Variants in LOXL1 observed in about 807,000 individuals in gnomAD.
The protein encoded by LOXL1 is lysyl oxidase homolog 1.
A neutral mutation model predicts 62.2 loss-of-function variants in LOXL1; 31 were observed. The observed-to-expected ratio is 0.50, with a 90% CI of 0.37 to 0.67. LOXL1 has a LOEUF of 0.67. Among genes scored for constraint, LOXL1 ranks in the 30% least tolerant of loss-of-function variants. The probability of loss-of-function intolerance (pLI) is 0.00; values close to 1 mark genes in which losing one functional copy is unlikely to be tolerated. For missense variants in LOXL1, 775 were observed against 843.4 expected (o/e 0.92, Z 1.00); for synonymous variants, 403 against 384.4 (o/e 1.05, Z -0.56).
intron 1 of LOXL1, among the ~76,000 whole-genome samples, chr15:73,935,066 C>T (rs1192355724): frequency 5.3e-5 from 8 of 152,158 alleles, no homozygotes; most frequent in African/African-American, 1.2e-4. Flanking sequence ...TAATGGGGTC[C>T]GGGCCATGGG....
Position 73,943,756 on chromosome 15 carries a change from A to G in LOXL1, c.1211+794A>G, listed in dbSNP as rs1250059652. ...TTTTGTTAATATCCCTTTATGTTGA[A>G]AGCACCTATTTTTCTTAATTACCTG... On this transcript the variant is annotated intron_variant, in intron 2 of 6. Coordinates refer to ENST00000261921, the MANE Select transcript of LOXL1 (RefSeq NM_005576.4). Among the ~76,000 whole-genome samples, 3 of 152,282 alleles carry G rather than the reference A, an allele frequency of 2.0e-5. No homozygotes were observed. The East Asian group carries it at 5.8e-4, about 29-fold the overall frequency.
chr15:73,934,367 C>G (rs2028386), intron 1 of LOXL1, among the ~76,000 whole-genome samples: 78,777 of 151,986 alleles, frequency 0.52, 20,738 homozygotes, highest in East Asian at 0.67. Flanking sequence ...ATCCCAGAAC[C>G]CTCCCTGGCC....
chr15:73,951,783 G>A (rs892615043), intron 6 of LOXL1, 48 bp from the exon 7 acceptor site: 2 of 1,499,022 alleles, frequency 1.3e-6, no homozygotes, highest in Non-Finnish European at 1.8e-6. Context: ...GAGGCCACGG[G>A]GGCCTACTTT....
rs986260572 is a variant in LOXL1 at position 73,952,059 on chromosome 15, G to T, written c.*222G>T. The T allele has an allele frequency of 9.9e-6, 4 of 403,586 alleles. No individual in the cohort carries two copies. The highest frequency in any genetic ancestry group is 1.7e-5 in the Non-Finnish European group (4 of 229,526). 25.0% of individuals were successfully genotyped at this position (403,586 alleles called of 1,614,324 possible). ...CTACAGTGTTGTTTTGTTGTTGTTG[G>T]TTTTTATTTTTTATACTTTGGCCAT... On this transcript the variant is annotated 3_prime_UTR_variant, in exon 7 of 7. Transcript: ENST00000261921.
chr15:73,926,722 C>G lies in LOXL1; in HGVS notation c.-62C>G. 3 of 1,354,984 alleles carry G rather than the reference C, an allele frequency of 2.2e-6. No homozygotes were observed. Among genetic ancestry groups the G allele is most frequent in the Non-Finnish European group, 2.9e-6 (3 of 1,048,992 alleles). The allele number at this position is 1,354,984 out of a possible 1,614,324, so 83.9% of individuals were successfully genotyped here. On this transcript the variant is annotated 5_prime_UTR_variant, in exon 1 of 7. Coordinates refer to ENST00000261921, the MANE Select transcript of LOXL1 (RefSeq NM_005576.4). Reference sequence around the variant, plus strand: ...GTCCTCGAGGCCGTGGGAAGAGAAGCACGCCCAGGGGGCCACTCCTGAGAG... The same window carrying G: ...GTCCTCGAGGCCGTGGGAAGAGAAGGACGCCCAGGGGGCCACTCCTGAGAG...
chr15:73,933,885 C>T (rs1249052305), intron 1 of LOXL1, among the ~76,000 whole-genome samples: 1 of 152,248 alleles, frequency 6.6e-6, no homozygotes, highest in South Asian at 2.1e-4. Flanking sequence ...CTGACCTAGC[C>T]GCCTCATTTC....
chr15:73,932,119 G>A (rs528565998), intron 1 of LOXL1, among the ~76,000 whole-genome samples: 15 of 152,324 alleles, frequency 9.8e-5, no homozygotes, highest in African/African-American at 2.9e-4. Context: ...TGTTCAGCCT[G>A]CGGGCAGGGT....
At position 73,927,092 on chromosome 15, in the gene LOXL1, G is replaced by A. The variant is rs1483264287; in HGVS notation, c.309G>A (p.Pro103=). ...GGCAGGCGCCGTCCCTGCCCCTGCCGGGGCGCGTGGGCTCGGACACCGTGC... is the reference window on the plus strand; with the variant it reads ...GGCAGGCGCCGTCCCTGCCCCTGCCAGGGCGCGTGGGCTCGGACACCGTGC... ...RRRQAPSLPL[P]GRVGSDTVRG... Residue 103 remains proline, a synonymous_variant, in exon 1 of 7, where the codon CCG becomes CCA. Transcript: ENST00000261921. 5 of 1,299,534 alleles carry A rather than the reference G, an allele frequency of 3.8e-6. No individual in the cohort carries two copies. Among genetic ancestry groups the A allele is most frequent in the Admixed American group, 4.1e-5 (1 of 24,184 alleles). The allele number at this position is 1,299,534 out of a possible 1,614,324, so 80.5% of individuals were successfully genotyped here. A position where few individuals can be genotyped will look rare whatever the true frequency, so the allele number is the denominator to read the frequency against.
intron 6 of LOXL1, among the ~76,000 whole-genome samples, chr15:73,951,399 G>A (rs1305001948): frequency 6.6e-6 from 1 of 152,150 alleles, no homozygotes; most frequent in Non-Finnish European, 1.5e-5. Context: ...CCTGACCGCA[G>A]GCAGGCAGCT....
rs141026041 is a variant in LOXL1 at position 73,929,025 on chromosome 15, C to A, written c.1102+1140C>A. On this transcript the variant is annotated intron_variant, in intron 1 of 6. Transcript: ENST00000261921. ...GGCCCAAGCCCTCTGCACATGAGGACACAGTGGAAAGGCAGCTTCCACACA... is the reference window on the plus strand; with the variant it reads ...GGCCCAAGCCCTCTGCACATGAGGAAACAGTGGAAAGGCAGCTTCCACACA... Among the ~76,000 whole-genome samples the A allele has an allele frequency of 7.4e-4, 112 of 152,308 alleles. 5 individuals are homozygous for A. In the East Asian group the frequency reaches 0.02, roughly 28 times the overall value.
chr15:73,943,058 A>G (rs2068726078), intron 2 of LOXL1, 96 bp downstream of exon 2: 2 of 956,082 alleles, frequency 2.1e-6, no homozygotes, highest in Non-Finnish European at 3.4e-6. Context: ...GCTGTCTGCA[A>G]GCTGATGACC....
At chr15:73,947,548 A>AC (rs2068756866) in intron 4 of LOXL1, 1 of 491,556 alleles carries the variant, frequency 2.0e-6, no homozygotes, top group African/African-American at 1.9e-5. Flanking sequence ...ATATCCACAA[A>AC]CTGTCCATCT....
At chr15:73,949,377 C>T in intron 5 of LOXL1, 82 bp from the exon 6 acceptor site, 1 of 819,520 alleles carries the variant, frequency 1.2e-6, no homozygotes, top group Non-Finnish European at 2.2e-6. Context: ...CTGTCTGCCT[C>T]TTTACCACCT....
intron 1 of LOXL1, among the ~76,000 whole-genome samples, chr15:73,939,071 G>T (rs552220895): frequency 5.3e-5 from 8 of 152,080 alleles, no homozygotes; most frequent in African/African-American, 1.9e-4. Context: ...AAAAATTGCA[G>T]ACCAGCCTCC....
chr15:73,934,066 A>G (rs1230786976), intron 1 of LOXL1, among the ~76,000 whole-genome samples: 1 of 152,260 alleles, frequency 6.6e-6, no homozygotes, highest in Non-Finnish European at 1.5e-5. Context: ...GAAGAGACAC[A>G]GGATGGGAAA....
chr15:73,949,528 C>G lies in LOXL1; in HGVS notation c.1672C>G (p.His558Asp), dbSNP rs867917923. The G allele has an allele frequency of 6.2e-7, 1 of 1,614,174 alleles. No individual in the cohort carries two copies. The highest frequency in any genetic ancestry group is 1.6e-4 in the Middle Eastern group (1 of 6,062). Residue 558 changes from histidine (H) to aspartate (D), a missense_variant, in exon 6 of 7, where the codon CAC becomes GAC. Transcript: ENST00000261921. ...CAACAACGTGGTGAGATGCAACATT[C>G]ACTACACAGGTCGCTACGTTTCTGC... Reference protein sequence around the residue: ...FTNNVVRCNIHYTGRYVSATN... With the variant: ...FTNNVVRCNIDYTGRYVSATN...
At chr15:73,944,730 T>A (rs373132823) in intron 2 of LOXL1, among the ~76,000 whole-genome samples, 9 of 152,320 alleles carry the variant, frequency 5.9e-5, no homozygotes, top group African/African-American at 2.2e-4. Flanking sequence ...ACCTAGACCC[T>A]TATGGTTTCC....
At chr15:73,941,651 G>A (rs777467979) in intron 1 of LOXL1, among the ~76,000 whole-genome samples, 2 of 152,132 alleles carry the variant, frequency 1.3e-5, no homozygotes, top group Non-Finnish European at 2.9e-5. Flanking sequence ...CAGAATCCCT[G>A]AGGCCAGAGA....
chr15:73,935,934 G>GGTGTGT (rs3056338), intron 1 of LOXL1, among the ~76,000 whole-genome samples: 45,615 of 131,654 alleles, frequency 0.35, 8,259 homozygotes, highest in Middle Eastern at 0.51. Context: ...AGGTAGAGCT[G>GGTGTGT]GTGTGTGTGT....
Sources: gnomAD v4.1 joint callset for allele counts (sites outside exome capture counted in the v4.1 genomes callset) on GRCh38, gnomAD v4.1.1 for gene constraint, MANE v1.5 for transcripts, NCBI Gene and HGNC (gene_info 2026-07-23, HGNC 2026-07-21) for gene names.